Variants in AK9 observed in about 807,000 individuals in gnomAD.
The protein encoded by AK9 is adenylate kinase 9.
Under a neutral mutation model 239.6 loss-of-function variants are expected in AK9, and 191 were observed. The observed-to-expected ratio is 0.80, with a 90% CI of 0.71 to 0.90. The LOEUF (loss-of-function observed/expected upper bound fraction) is 0.90, where lower values mean the gene tolerates loss of function less well. Ranked by LOEUF, AK9 falls within the 40% of genes least tolerant of loss-of-function variation. AK9 has a pLI of 0.00. For synonymous variants in AK9, 689 were observed against 721.0 expected (o/e 0.96, Z 0.71); for missense variants, 1,995 against 2,214.7 (o/e 0.90, Z 1.99).
At chr6:109,638,826 G>A (rs1415099102) in intron 10 of AK9, among the ~76,000 whole-genome samples, 2 of 152,042 alleles carry the variant, frequency 1.3e-5, no homozygotes, top group Non-Finnish European at 2.9e-5. Flanking sequence ...GACAGGCCAT[G>A]TTGTGTGATG....
intron 27 of AK9, among the ~76,000 whole-genome samples, chr6:109,538,615 A>T (rs1323186600): frequency 6.6e-6 from 1 of 151,768 alleles, no homozygotes; most frequent in Non-Finnish European, 1.5e-5. Context: ...ATTTAAGGTT[A>T]ATATTGTTAT....
chr6:109,649,817 C>T, intron 8 of AK9, among the ~76,000 whole-genome samples: 1 of 152,190 alleles, frequency 6.6e-6, no homozygotes, highest in Non-Finnish European at 1.5e-5. Context: ...AGGCATCACG[C>T]TACCTGACTT....
intron 5 of AK9, among the ~76,000 whole-genome samples, chr6:109,665,362 C>T (rs896379574): frequency 4.6e-5 from 7 of 152,156 alleles, no homozygotes; most frequent in Non-Finnish European, 7.4e-5. Context: ...AGGCATCTAT[C>T]CTATTGGAGG....
At chr6:109,496,346 C>T (rs988628349) in intron 38 of AK9, among the ~76,000 whole-genome samples, 6 of 152,228 alleles carry the variant, frequency 3.9e-5, no homozygotes, top group Non-Finnish European at 7.3e-5. Flanking sequence ...GGTCCCTCGC[C>T]TCCTGGCTGC....
At chr6:109,568,008 A>G (rs1351288796) in intron 21 of AK9, among the ~76,000 whole-genome samples, 2 of 152,166 alleles carry the variant, frequency 1.3e-5, no homozygotes, top group South Asian at 2.1e-4. Context: ...TCCCTGATGA[A>G]CATGGATGCA....
intron 24 of AK9, among the ~76,000 whole-genome samples, chr6:109,553,869 T>A (rs561753712): frequency 2.0e-5 from 3 of 152,324 alleles, no homozygotes; most frequent in African/African-American, 7.2e-5. Flanking sequence ...TTTTGAGATA[T>A]GTTCCATCAA....
chr6:109,625,000 A>G lies in AK9; in HGVS notation c.1255-5764T>C, dbSNP rs971601365. On this transcript the variant is annotated intron_variant, in intron 12 of 40. Transcript: ENST00000424296. ...CTTTTTTAATGTTCTTTCATCTTGC[A>G]TATATTTTAATTTCAAAGGACTCTT... Among the ~76,000 whole-genome samples, 5 of 151,896 alleles carry G rather than the reference A, an allele frequency of 3.3e-5. No homozygotes were observed. In the East Asian group the frequency reaches 9.6e-4, roughly 29 times the overall value.
At chr6:109,661,101 C>G in intron 6 of AK9, 1 of 315,364 alleles carries the variant, frequency 3.2e-6, no homozygotes, top group South Asian at 3.0e-5. Flanking sequence ...GGCTTATTCC[C>G]CAATAAGGAC....
chr6:109,603,076 A>C (rs1201805574), intron 17 of AK9, among the ~76,000 whole-genome samples: 1 of 152,182 alleles, frequency 6.6e-6, no homozygotes. Context: ...TCCGCTCGTC[A>C]AGGTCATTCT....
At chr6:109,627,796 A>G (rs188284548) in intron 12 of AK9, among the ~76,000 whole-genome samples, 1 of 152,110 alleles carries the variant, frequency 6.6e-6, no homozygotes, top group East Asian at 1.9e-4. Flanking sequence ...GGGATTACAC[A>G]TGTGCACCAC....
chr6:109,504,554 A>C (rs770193050), intron 35 of AK9, among the ~76,000 whole-genome samples: 34 of 152,324 alleles, frequency 2.2e-4, no homozygotes, highest in Middle Eastern at 3.4e-3. Flanking sequence ...CACACCTGTA[A>C]TACTAGCACT....
At chr6:109,506,192 T>C (rs1778100356) in intron 35 of AK9, 135 bp downstream of exon 35, 3 of 742,696 alleles carry the variant, frequency 4.0e-6, no homozygotes, top group East Asian at 2.7e-5. Flanking sequence ...TATATAGTAT[T>C]GGATAATAAG....
intron 5 of AK9, among the ~76,000 whole-genome samples, chr6:109,668,222 T>C (rs987746085): frequency 5.3e-5 from 8 of 152,156 alleles, no homozygotes; most frequent in African/African-American, 1.7e-4. Context: ...TCTGTTCATA[T>C]CCTTTGCCCA....
chr6:109,593,427 C>T (rs576849527), intron 17 of AK9, among the ~76,000 whole-genome samples: 10 of 152,064 alleles, frequency 6.6e-5, no homozygotes, highest in Non-Finnish European at 1.3e-4. Flanking sequence ...CTGAATTCTA[C>T]CAGGGGTACA....
intron 29 of AK9, among the ~76,000 whole-genome samples, chr6:109,522,351 T>C (rs1458727252): frequency 6.6e-6 from 1 of 152,052 alleles, no homozygotes; most frequent in East Asian, 1.9e-4. Flanking sequence ...TCTTCTAACA[T>C]TTCTTAGAAT....
chr6:109,537,765 C>T (rs551784584), intron 27 of AK9, among the ~76,000 whole-genome samples: 1 of 152,178 alleles, frequency 6.6e-6, no homozygotes, highest in East Asian at 1.9e-4. Context: ...TCCCTCTACA[C>T]ACTGCTTTAA....
chr6:109,497,490 T>C lies in AK9; in HGVS notation c.5290A>G (p.Lys1764Glu). The stretch of plus-strand genomic sequence containing the variant: ...CTCAAAAATTTCTGGAGTTTTTCTT[T>C]GTTCTCACAAATATATATACGATTA... Reference protein sequence around the residue: ...YHNRIYICENKEKLQKFLRSP... With the variant: ...YHNRIYICENEEKLQKFLRSP... The change falls in exon 38 of 41, where the codon AAA becomes GAA. Residue 1764 changes from lysine to glutamate, a missense_variant. Coordinates refer to ENST00000424296, the MANE Select transcript of AK9 (RefSeq NM_001145128.3). 6.2e-7 allele frequency: 1 copy of C among 1,602,284 alleles called. No individual in the cohort carries two copies. Among genetic ancestry groups the C allele is most frequent in the Non-Finnish European group, 8.6e-7 (1 of 1,169,464 alleles).
chr6:109,601,620 T>C (rs1791979454), intron 17 of AK9, among the ~76,000 whole-genome samples: 1 of 151,748 alleles, frequency 6.6e-6, no homozygotes, highest in African/African-American at 2.4e-5. Flanking sequence ...CTGAGTTCAA[T>C]TCCTGGATAT....
intron 19 of AK9, among the ~76,000 whole-genome samples, chr6:109,583,295 G>A (rs1789090445): frequency 6.6e-6 from 1 of 152,126 alleles, no homozygotes; most frequent in South Asian, 2.1e-4. Flanking sequence ...AGAAATTTCT[G>A]TAACCCACTT....
Sources: gnomAD v4.1 joint callset for allele counts (sites outside exome capture counted in the v4.1 genomes callset) on GRCh38, gnomAD v4.1.1 for gene constraint, MANE v1.5 for transcripts, NCBI Gene and HGNC (gene_info 2026-07-23, HGNC 2026-07-21) for gene names.